Variants in SVIL observed in about 807,000 individuals in gnomAD.
SVIL encodes the protein supervillin, also known as archvillin.
A neutral mutation model predicts 240.4 loss-of-function variants in SVIL; 101 were observed. The ratio of observed to expected loss-of-function variants is 0.42; its 90% CI spans 0.36 to 0.50. The LOEUF (loss-of-function observed/expected upper bound fraction) is 0.50. SVIL is among the 20% of genes least tolerant of loss of function. The probability of loss-of-function intolerance (pLI) is 0.01; values close to 1 mark genes in which losing one functional copy is unlikely to be tolerated. For missense variants in SVIL, 2,512 were observed against 2,818.7 expected (o/e 0.89, Z 2.46); for synonymous variants, 999 against 1,100.0 (o/e 0.91, Z 1.82).
At chr10:29,554,754 G>C in intron 5 of SVIL, 29 bp downstream of exon 5, 1 of 1,509,830 alleles carries the variant, frequency 6.6e-7, no homozygotes, top group Non-Finnish European at 8.8e-7. Context: ...CAGCCTGCTG[G>C]AAAATGGGCC....
At chr10:29,632,851 AC>A (rs1958154129) in intron 1 of SVIL, among the ~76,000 whole-genome samples, 1 of 152,144 alleles carries the variant, frequency 6.6e-6, no homozygotes, top group African/African-American at 2.4e-5. Context: ...ACACACACAC[AC>A]ACACACACAC....
chr10:29,597,765 G>A (rs1956653692), intron 1 of SVIL, among the ~76,000 whole-genome samples: 1 of 151,758 alleles, frequency 6.6e-6, no homozygotes, highest in Non-Finnish European at 1.5e-5. Flanking sequence ...TCTGCTTGAT[G>A]CCCCTCAGTT....
At chr10:29,627,376 G>A (rs1245377740) in intron 1 of SVIL, among the ~76,000 whole-genome samples, 1 of 152,124 alleles carries the variant, frequency 6.6e-6, no homozygotes, top group Non-Finnish European at 1.5e-5. Context: ...AGGCCACTGA[G>A]GCTCAGAGAG....
rs772079014 is a variant in SVIL, at chr10:29,484,775, T to C, written c.4836A>G (p.Thr1612=). 9 of 1,613,864 alleles carry C rather than the reference T, an allele frequency of 5.6e-6. No homozygotes were observed. The highest frequency in any genetic ancestry group is 5.1e-6 in the Non-Finnish European group (6 of 1,179,972). Residue 1612 remains threonine, a synonymous_variant, in exon 27 of 38, where the codon ACA becomes ACG. Coordinates refer to ENST00000355867, the MANE Select transcript of SVIL (RefSeq NM_021738.3). This position sits in a 1 kb window ranked among gnomAD's most constrained non-coding sequence, Gnocchi z 4.7. ...GAAATGCTATTTTTCGTTGTGCTAA[T>C]GTGACTTCTTTCCCATGCCATACGT... ...EVYVWHGKEV[T]LAQRKIAFQL... is the part of the protein sequence containing the mutation.
At chr10:29,531,340 A>T (rs751614140) in intron 9 of SVIL, 52 bp from the exon 10 acceptor site, 2 of 1,514,492 alleles carry the variant, frequency 1.3e-6, no homozygotes, top group South Asian at 2.3e-5. Context: ...TGGGAGCAGA[A>T]GATCGAAATA....
chr10:29,529,679 G>A, intron 12 of SVIL, 26 bp downstream of exon 12: 1 of 1,575,776 alleles, frequency 6.3e-7, no homozygotes. Context: ...CTATAGACAA[G>A]GCTGAGAAGT....
At chr10:29,585,689 T>C (rs1956137129) in intron 1 of SVIL, among the ~76,000 whole-genome samples, 1 of 152,052 alleles carries the variant, frequency 6.6e-6, no homozygotes, top group Admixed American at 6.6e-5. Context: ...TGAATCTGAC[T>C]CCAGCAGTAA....
At chr10:29,479,162 G>A (rs187983556) in intron 29 of SVIL, among the ~76,000 whole-genome samples, 16 of 152,174 alleles carry the variant, frequency 1.1e-4, no homozygotes, top group South Asian at 4.1e-4. Context: ...TCTGGTGACT[G>A]GGATCTTCAG....
rs34372804 is a variant in SVIL at position 29,696,249 on chromosome 10, T to C, written c.-399-9598A>G. ...GATTGCAGACGGAGTCTCATTCACT[T>C]AGTGCTCAATGGTGCCCAGGCTGGA... On this transcript the variant is annotated intron_variant, in intron 1 of 35. Coordinates refer to the SVIL transcript ENST00000375400. Among the ~76,000 whole-genome samples, 1,218 of 141,096 alleles carry C rather than the reference T, an allele frequency of 8.6e-3. 8 individuals carry two copies. Among genetic ancestry groups the C allele is most frequent in the East Asian group, 0.034 (147 of 4,322 alleles). 92.6% of individuals were successfully genotyped at this position (141,096 alleles called of 152,430 possible).
At chr10:29,659,813 A>G (rs866750323) in intron 2 of SVIL, among the ~76,000 whole-genome samples, 13 of 151,960 alleles carry the variant, frequency 8.6e-5, no homozygotes, top group Non-Finnish European at 1.8e-4. Flanking sequence ...CCAACAATAA[A>G]AAAAATCATT....
intron 6 of SVIL, among the ~76,000 whole-genome samples, chr10:29,544,676 C>T (rs1952472074): frequency 6.7e-6 from 1 of 148,612 alleles, no homozygotes; most frequent in South Asian, 2.1e-4. Context: ...GAGGAACGCT[C>T]GAGCCCAGGA....
chr10:29,609,823 C>A (rs1041021801), intron 1 of SVIL, among the ~76,000 whole-genome samples: 1 of 152,242 alleles, frequency 6.6e-6, no homozygotes, highest in Non-Finnish European at 1.5e-5. Context: ...TACCCACTTG[C>A]TGCTCCATGC....
At chr10:29,568,507 G>A (rs867967209) in intron 2 of SVIL, among the ~76,000 whole-genome samples, 5 of 152,186 alleles carry the variant, frequency 3.3e-5, no homozygotes, top group Non-Finnish European at 5.9e-5. Context: ...GCCTGACTGC[G>A]TAGGGGACAA....
intron 5 of SVIL, among the ~76,000 whole-genome samples, chr10:29,552,419 C>T (rs1953453208): frequency 6.6e-6 from 1 of 151,724 alleles, no homozygotes; most frequent in Admixed American, 6.6e-5. Flanking sequence ...AAAAATTAGC[C>T]AGGCATGGTG....
intron 27 of SVIL, chr10:29,483,185 G>A (rs992436791): frequency 1.3e-5 from 2 of 152,232 alleles, no homozygotes; most frequent in East Asian, 3.8e-4. Context: ...CTAAGATGAT[G>A]ATTGAAAGGG....
Position 29,554,845 on chromosome 10 carries a change from C to T in SVIL, c.98G>A (p.Arg33His), listed in dbSNP as rs1359983977. The T allele has an allele frequency of 1.6e-5, 26 of 1,613,476 alleles. No individual in the cohort carries two copies. The highest frequency in any genetic ancestry group is 2.0e-5 in the Non-Finnish European group (24 of 1,179,752). The change falls in exon 5 of 38, where the codon CGC (arginine) becomes CAC (histidine). Residue 33 changes from arginine to histidine, a missense_variant. Transcript: ENST00000355867. The stretch of plus-strand genomic sequence containing the variant: ...TCGAGGGGTGTCTTCCTCCAGCAGG[C>T]GGTGAGTCACCAATCCTGTGCAGCT... Reference protein sequence around the residue: ...LQSCTGLVTHRLLEEDTPRYM... With the variant: ...LQSCTGLVTHHLLEEDTPRYM...
intron 3 of SVIL, among the ~76,000 whole-genome samples, chr10:29,644,908 G>A (rs1285168123): frequency 6.6e-6 from 1 of 151,924 alleles, no homozygotes; most frequent in African/African-American, 2.4e-5. Context: ...TCTGACAGGA[G>A]TCAGCCTGTG....
At chr10:29,673,413 T>C (rs1959940343) in intron 2 of SVIL, among the ~76,000 whole-genome samples, 1 of 152,162 alleles carries the variant, frequency 6.6e-6, no homozygotes, top group Admixed American at 6.6e-5. Context: ...GTATTTGTAT[T>C]AGTCCATTTT....
rs202105760 is a variant in SVIL at position 29,589,246 on chromosome 10, T to TA, written c.-200-19935dup. Among the ~76,000 whole-genome samples the TA allele has an allele frequency of 5.4e-3, 824 of 152,316 alleles. 8 individuals carry two copies. Among genetic ancestry groups the TA allele is most frequent in the African/African-American group, 0.018 (753 of 41,576 alleles). On this transcript the variant is annotated intron_variant, in intron 1 of 37. Coordinates refer to ENST00000355867, the MANE Select transcript of SVIL (RefSeq NM_021738.3). ...AAGTAACACCAACCCCATGCCGCCCTATCACATCATCGCCCGCACGGCCTC... is the reference window on the plus strand; with the variant it reads ...AAGTAACACCAACCCCATGCCGCCCTAATCACATCATCGCCCGCACGGCCTC...
Sources: gnomAD v4.1 joint callset for allele counts (sites outside exome capture counted in the v4.1 genomes callset) on GRCh38, gnomAD v4.1.1 for gene constraint, Gnocchi (gnomAD v3.1) non-coding constraint, MANE v1.5 for transcripts, NCBI Gene and HGNC (gene_info 2026-07-23, HGNC 2026-07-21) for gene names.